The following GRK7 variants were observed in gnomAD, a reference collection of about 807,000 sequenced individuals.
GRK7 encodes G protein-coupled receptor kinase 7.
In GRK7, 24 loss-of-function variants were observed where a neutral mutation model predicts 34.1. That is an observed-to-expected ratio of 0.70 (90% CI 0.51 to 0.99). GRK7 has a LOEUF of 0.99. GRK7 is among the 50% of genes least tolerant of loss of function. The pLI, the probability that GRK7 is intolerant of heterozygous loss-of-function variation, is 0.00. For synonymous variants in GRK7, 256 were observed against 279.4 expected (o/e 0.92, Z 0.84); for missense variants, 644 against 707.3 (o/e 0.91, Z 1.02).
rs1430291511 is a variant in GRK7, at chr3:141,818,727, A to T, written c.*1677A>T. Among the ~76,000 whole-genome samples, 1 of 151,578 alleles carries T rather than the reference A, an allele frequency of 6.6e-6. No individual in the cohort carries two copies. The highest frequency in any genetic ancestry group is 2.4e-5 in the African/African-American group (1 of 40,976). ...TAAAATCTAAATTTATCCCAGTGGT[A>T]AAAAAAACCTGGCTGAAGTCAGTTT... On this transcript the variant is annotated 3_prime_UTR_variant, in exon 6 of 6. Transcript: ENST00000682958.
intron 5 of GRK7, among the ~76,000 whole-genome samples, chr3:141,810,483 C>G (rs924786896): frequency 1.3e-5 from 2 of 151,922 alleles, no homozygotes; most frequent in African/African-American, 4.8e-5. Flanking sequence ...TACCCTCTCA[C>G]ATTCAGTTAT....
At chr3:141,797,459 G>C (rs145358026) in intron 4 of GRK7, among the ~76,000 whole-genome samples, 2 of 152,222 alleles carry the variant, frequency 1.3e-5, no homozygotes, top group Non-Finnish European at 2.9e-5. Flanking sequence ...CGAGAACAAA[G>C]CGGCCAGGCC....
intron 4 of GRK7, among the ~76,000 whole-genome samples, chr3:141,793,327 A>T (rs75554134): frequency 0.048 from 7,334 of 152,272 alleles, 164 homozygotes; most frequent in South Asian, 0.09. Flanking sequence ...AGGACCTGGC[A>T]CTGTCTCCAG....
chr3:141,780,916 T>C (rs1213361929), intron 4 of GRK7, 105 bp downstream of exon 4: 3 of 1,088,140 alleles, frequency 2.8e-6, no homozygotes, highest in East Asian at 2.6e-5. Flanking sequence ...TTAATTCTTT[T>C]GGTTTTTTTT....
intron 5 of GRK7, among the ~76,000 whole-genome samples, chr3:141,810,546 G>T (rs1281066666): frequency 6.6e-6 from 1 of 152,056 alleles, no homozygotes; most frequent in African/African-American, 2.4e-5. Context: ...ACAGAGTCTT[G>T]CTCTGCTGCC....
At chr3:141,774,265 T>G (rs1266116843) in intron 1 of GRK7, among the ~76,000 whole-genome samples, 1 of 151,668 alleles carries the variant, frequency 6.6e-6, no homozygotes, top group Non-Finnish European at 1.5e-5. Context: ...CCACTAAAAA[T>G]ACAAAAATTA....
rs763749436 is a variant in GRK7, at chr3:141,778,462, T to C, written c.178T>C (p.Cys60Arg). ...QKLSLNFHSL[C>R]EQQPIGRRLF... ...GCTGTCCCTGAACTTCCACAGCCTG[T>C]GTGAGCAGCAGCCCATCGGTCGCCG... The change falls in exon 3 of 6, where the codon TGT becomes CGT. Residue 60 changes from cysteine (C) to arginine (R), a missense_variant. Physicochemically the swap from Cys to Arg is radical, Grantham distance 180. Coordinates refer to ENST00000682958, the MANE Select transcript of GRK7 (RefSeq NM_139209.3). The surrounding 1 kb of genome is among the most constrained non-coding windows in gnomAD (Gnocchi z 4.1). The C allele has an allele frequency of 2.3e-5, 37 of 1,613,140 alleles. No individual in the cohort carries two copies. Among genetic ancestry groups the C allele is most frequent in the Non-Finnish European group, 3.1e-5 (36 of 1,179,930 alleles).
upstream of GRK7, among the ~76,000 whole-genome samples, chr3:141,760,654 A>G (rs1256892670): frequency 6.6e-6 from 1 of 151,476 alleles, no homozygotes; most frequent in Non-Finnish European, 1.5e-5. Flanking sequence ...AGCTGAGTTC[A>G]ATTCCTGGGT....
intron 3 of GRK7, among the ~76,000 whole-genome samples, chr3:141,779,494 G>C (rs2084660575): frequency 6.6e-6 from 1 of 151,388 alleles, no homozygotes; most frequent in Non-Finnish European, 1.5e-5. Flanking sequence ...TACCACTGTT[G>C]TGCCCAGCTT....
chr3:141,812,177 C>A (rs1441453604), intron 5 of GRK7, among the ~76,000 whole-genome samples: 6 of 152,126 alleles, frequency 3.9e-5, no homozygotes, highest in Admixed American at 3.9e-4. Context: ...CCATTGTAAT[C>A]TCTGTGTGGG....
chr3:141,781,129 C>G (rs891502673), intron 4 of GRK7, among the ~76,000 whole-genome samples: 1 of 152,104 alleles, frequency 6.6e-6, no homozygotes, highest in Admixed American at 6.5e-5. Context: ...ATAACCACCT[C>G]TATGGTGCTG....
chr3:141,813,288 A>T (rs13069564), intron 5 of GRK7, among the ~76,000 whole-genome samples: 15,637 of 152,030 alleles, frequency 0.1, 863 homozygotes, highest in Non-Finnish European at 0.13. Flanking sequence ...ACCACGCCTG[A>T]CTAATTTTTG....
intron 2 of GRK7, among the ~76,000 whole-genome samples, chr3:141,776,218 C>T (rs1029769994): frequency 1.3e-5 from 2 of 151,802 alleles, no homozygotes; most frequent in African/African-American, 2.4e-5. Context: ...ACCCAGGAGG[C>T]GGAGTTTGCA....
intron 4 of GRK7, among the ~76,000 whole-genome samples, chr3:141,805,027 C>T (rs893753941): frequency 7.3e-5 from 11 of 150,250 alleles, no homozygotes; most frequent in African/African-American, 1.2e-4. Flanking sequence ...CACCCACACA[C>T]GCATACACCC....
chr3:141,769,726 G>A (rs886776389), intron 1 of GRK7, among the ~76,000 whole-genome samples: 2 of 152,092 alleles, frequency 1.3e-5, no homozygotes, highest in African/African-American at 4.8e-5. Flanking sequence ...AGACACCAGG[G>A]CATCTCTCCC....
At chr3:141,783,929 T>C (rs2084683684) in intron 4 of GRK7, among the ~76,000 whole-genome samples, 1 of 152,162 alleles carries the variant, frequency 6.6e-6, no homozygotes, top group African/African-American at 2.4e-5. Context: ...CTGTGAATCG[T>C]GGATCCATGT....
chr3:141,771,970 G>GC (rs1350859191), intron 1 of GRK7, among the ~76,000 whole-genome samples: 2 of 151,980 alleles, frequency 1.3e-5, no homozygotes, highest in Admixed American at 1.3e-4. Context: ...ACAGGTGTGA[G>GC]CCACTGCACC....
Position 141,817,395 on chromosome 3 carries a change from C to A in GRK7, c.*345C>A. On this transcript the variant is annotated 3_prime_UTR_variant, in exon 6 of 6. Coordinates refer to ENST00000682958, the MANE Select transcript of GRK7 (RefSeq NM_139209.3). ...CTTTGTGGTGTGCCCAGAAAATGAG[C>A]ATTTGCAATTCTTAGTAAATAATCA... The A allele has an allele frequency of 5.0e-6, 1 of 201,582 alleles. No individual in the cohort carries two copies. The highest frequency in any genetic ancestry group is 9.9e-6 in the Non-Finnish European group (1 of 101,294). 12.5% of individuals were successfully genotyped at this position (201,582 alleles called of 1,614,324 possible). A position where few individuals can be genotyped will look rare whatever the true frequency, so the allele number is the denominator to read the frequency against.
At chr3:141,775,004 C>T (rs1433079033) in intron 2 of GRK7, among the ~76,000 whole-genome samples, 1 of 152,010 alleles carries the variant, frequency 6.6e-6, no homozygotes, top group East Asian at 1.9e-4. Flanking sequence ...TGTTGCCAGG[C>T]TGATCTCAAA....
Sources: allele counts gnomAD v4.1 joint callset (sites outside exome capture counted in the v4.1 genomes callset), GRCh38; gene constraint gnomAD v4.1.1; non-coding constraint Gnocchi (gnomAD v3.1); transcripts MANE v1.5; gene names NCBI Gene and HGNC (gene_info 2026-07-23, HGNC 2026-07-21).